The following SETD7 variants were observed in gnomAD, a reference collection of about 807,000 sequenced individuals.
SETD7 encodes histone-lysine N-methyltransferase SETD7.
SETD7 carries 16 observed loss-of-function variants against 41.8 expected under a neutral mutation model. The ratio of observed to expected loss-of-function variants is 0.38; its 90% CI spans 0.26 to 0.58. The LOEUF (loss-of-function observed/expected upper bound fraction) is 0.58, where lower values mean the gene tolerates loss of function less well. SETD7 is among the 20% of genes least tolerant of loss of function. The pLI is 0.64. For synonymous variants in SETD7, 163 were observed against 169.7 expected, an observed-to-expected ratio of 0.96 and a Z score of 0.31; for missense variants, 346 against 459.7, an observed-to-expected ratio of 0.75 and a Z score of 2.26.
intron 2 of SETD7, among the ~76,000 whole-genome samples, chr4:139,542,570 A>G (rs940381632): frequency 1.3e-5 from 2 of 152,104 alleles, no homozygotes; most frequent in African/African-American, 4.8e-5. Flanking sequence ...TCTATATTTT[A>G]CCTTGAATAT....
chr4:139,518,372 G>A (rs1176963264), intron 6 of SETD7, among the ~76,000 whole-genome samples: 1 of 152,048 alleles, frequency 6.6e-6, no homozygotes, highest in African/African-American at 2.4e-5. Flanking sequence ...CAGATGATCT[G>A]CCCACCTTGG....
intron 7 of SETD7, among the ~76,000 whole-genome samples, chr4:139,514,801 T>C (rs184857325): frequency 2.6e-5 from 4 of 152,348 alleles, no homozygotes; most frequent in Admixed American, 2.6e-4. Context: ...CTCTTATCTA[T>C]TTGTCCATTT....
intron 2 of SETD7, among the ~76,000 whole-genome samples, chr4:139,545,916 C>T (rs906731628): frequency 6.6e-6 from 1 of 152,130 alleles, no homozygotes; most frequent in Non-Finnish European, 1.5e-5. Flanking sequence ...AATAGCTAGC[C>T]CTTTTGCGGC....
chr4:139,548,548 C>A (rs1728024704), intron 1 of SETD7, among the ~76,000 whole-genome samples: 1 of 152,212 alleles, frequency 6.6e-6, no homozygotes, highest in Admixed American at 6.5e-5. Context: ...AGGAGAATCG[C>A]TTGAACCCAG....
At chr4:139,493,589 G>T (rs1257526675), downstream of SETD7, among the ~76,000 whole-genome samples, 3 of 151,488 alleles carry the variant, frequency 2.0e-5, no homozygotes, top group African/African-American at 7.3e-5. Context: ...CCTAAGGCTG[G>T]AGTGCAGTGG....
chr4:139,544,797 A>AGTTGTGT (rs1727890498), intron 2 of SETD7, among the ~76,000 whole-genome samples: 1 of 144,840 alleles, frequency 6.9e-6, no homozygotes, highest in East Asian at 2.1e-4. Context: ...CCAGATTTAA[A>AGTTGTGT]GTGTGTGTGT....
intron 2 of SETD7, among the ~76,000 whole-genome samples, chr4:139,543,918 C>T (rs1415506345): frequency 6.6e-6 from 1 of 151,826 alleles, no homozygotes; most frequent in East Asian, 1.9e-4. Flanking sequence ...GAGCCGAGAT[C>T]GCGCCGCTGC....
At chr4:139,525,507 A>G (rs1268390013) in intron 4 of SETD7, among the ~76,000 whole-genome samples, 15 of 151,728 alleles carry the variant, frequency 9.9e-5, no homozygotes, top group African/African-American at 3.4e-4. Flanking sequence ...GTTAAGCCTT[A>G]AAGATGGAGT....
intron 4 of SETD7, among the ~76,000 whole-genome samples, chr4:139,525,487 TA>T (rs1014907649): frequency 1.1e-3 from 162 of 152,250 alleles, no homozygotes; most frequent in African/African-American, 3.8e-3. Context: ...ACATTCATTA[TA>T]AAAAGTGAGT....
At chr4:139,534,637 A>G (rs900568636) in intron 2 of SETD7, among the ~76,000 whole-genome samples, 1 of 152,074 alleles carries the variant, frequency 6.6e-6, no homozygotes, top group Non-Finnish European at 1.5e-5. Context: ...GGATCCACCC[A>G]ACTCGGCCTC....
At chr4:139,501,253 T>C (rs1726570989), downstream of SETD7, among the ~76,000 whole-genome samples, 1 of 152,194 alleles carries the variant, frequency 6.6e-6, no homozygotes, top group Non-Finnish European at 1.5e-5. Flanking sequence ...GAGGGACTGC[T>C]ATGTGGTAAA....
At chr4:139,549,799 CAG>C (rs1413169624) in intron 1 of SETD7, among the ~76,000 whole-genome samples, 1 of 151,838 alleles carries the variant, frequency 6.6e-6, no homozygotes, top group African/African-American at 2.4e-5. Context: ...TTTTTTGAGA[CAG>C]AGTTTTACTC....
At chr4:139,498,693 A>C (rs1414408564) in intron 7 of SETD7, among the ~76,000 whole-genome samples, 1 of 152,216 alleles carries the variant, frequency 6.6e-6, no homozygotes, top group African/African-American at 2.4e-5. Flanking sequence ...TCTGTCTCTG[A>C]GTCCCATCCT....
chr4:139,543,236 C>T (rs1230430481), intron 2 of SETD7, among the ~76,000 whole-genome samples: 1 of 152,114 alleles, frequency 6.6e-6, no homozygotes, highest in Non-Finnish European at 1.5e-5. Context: ...CTCTAAAAGC[C>T]GGGGATGGGA....
intron 2 of SETD7, among the ~76,000 whole-genome samples, chr4:139,534,209 T>C (rs529577699): frequency 6.6e-6 from 1 of 152,302 alleles, no homozygotes; most frequent in Admixed American, 6.5e-5. Flanking sequence ...ATGTTTTCAT[T>C]GTTATCCTCT....
intron 6 of SETD7, among the ~76,000 whole-genome samples, chr4:139,519,290 C>G (rs1402222166): frequency 6.6e-6 from 1 of 152,236 alleles, no homozygotes; most frequent in Non-Finnish European, 1.5e-5. Context: ...CAGCACAAAG[C>G]CAGATTCTGC....
chr4:139,516,085 G>C (rs984346623), intron 7 of SETD7, among the ~76,000 whole-genome samples: 3 of 152,188 alleles, frequency 2.0e-5, no homozygotes, highest in Non-Finnish European at 4.4e-5. Context: ...ATGTAAAAGA[G>C]AGTCTGACAT....
chr4:139,526,782 ATGC>A (rs1160348694), intron 4 of SETD7, among the ~76,000 whole-genome samples: 1 of 152,214 alleles, frequency 6.6e-6, no homozygotes, highest in African/African-American at 2.4e-5. Context: ...GCCACTAAAA[ATGC>A]TGCTACTTCT....
chr4:139,526,037 GTTGTTTGTTTTTGTTTGTTTGT>G (rs1168068448), intron 4 of SETD7, among the ~76,000 whole-genome samples: 1 of 128,364 alleles, frequency 7.8e-6, no homozygotes, highest in Non-Finnish European at 1.8e-5. Context: ...TTTTGTTGTT[GTTGTTTGTTTTTGTTTGTTTGT>G]TTGTTTGTTT....
Sources: gnomAD v4.1 joint callset for allele counts (sites outside exome capture counted in the v4.1 genomes callset) on GRCh38, gnomAD v4.1.1 for gene constraint, MANE v1.5 for transcripts, NCBI Gene and HGNC (gene_info 2026-07-23, HGNC 2026-07-21) for gene names.